ANO3: variants seen among roughly 807,000 people sequenced by gnomAD.
ANO3 encodes the protein anoctamin 3.
A neutral mutation model predicts 144.8 loss-of-function variants in ANO3; 99 were observed. The observed-to-expected ratio is 0.68, with a 90% CI of 0.58 to 0.81. The LOEUF (loss-of-function observed/expected upper bound fraction) is 0.81, where lower values mean the gene tolerates loss of function less well. Ranked by LOEUF, ANO3 falls within the 30% of genes least tolerant of loss-of-function variation. ANO3 has a pLI of 0.00. For missense variants in ANO3, 905 were observed against 1,202.2 expected, an observed-to-expected ratio of 0.75 and a Z score of 3.66; for synonymous variants, 414 against 392.6, an observed-to-expected ratio of 1.05 and a Z score of -0.64.
At chr11:26,649,566 C>T (rs10835045) in intron 24 of ANO3, among the ~76,000 whole-genome samples, 68,092 of 151,732 alleles carry the variant, frequency 0.45, 17,108 homozygotes, top group South Asian at 0.64. Context: ...GTGAAACCCC[C>T]TCACTACTAA....
At chr11:26,240,997 G>A (rs1283097007) in intron 1 of ANO3, among the ~76,000 whole-genome samples, 1 of 152,090 alleles carries the variant, frequency 6.6e-6, no homozygotes. Context: ...CAGTTCCCAC[G>A]TGTCAGGGGA....
chr11:26,259,664 T>TA (rs60307954), intron 1 of ANO3, among the ~76,000 whole-genome samples: 208 of 142,982 alleles, frequency 1.5e-3, no homozygotes, highest in Middle Eastern at 7.2e-3. Flanking sequence ...CGAGACTCCA[T>TA]AAAAAAAAAA....
intron 1 of ANO3, among the ~76,000 whole-genome samples, chr11:26,198,553 AAGG>A (rs1269569078): frequency 6.6e-6 from 1 of 152,346 alleles, no homozygotes; most frequent in Admixed American, 6.5e-5. Context: ...TTTATAAAGA[AAGG>A]AGGAGGGCAT....
intron 5 of ANO3, among the ~76,000 whole-genome samples, chr11:26,513,453 T>C (rs1861743956): frequency 1.3e-5 from 2 of 152,228 alleles, no homozygotes; most frequent in South Asian, 2.1e-4. Flanking sequence ...TCTGGCTATC[T>C]GTACGGTAAA....
At chr11:26,584,603 G>A (rs946946503) in intron 14 of ANO3, among the ~76,000 whole-genome samples, 1 of 152,050 alleles carries the variant, frequency 6.6e-6, no homozygotes, top group Non-Finnish European at 1.5e-5. Context: ...CACTAAAAAA[G>A]CTAAGGAAAA....
At chr11:26,223,741 T>TA (rs1265478726) in intron 1 of ANO3, among the ~76,000 whole-genome samples, 1 of 151,948 alleles carries the variant, frequency 6.6e-6, no homozygotes, top group Non-Finnish European at 1.5e-5. Context: ...AGGTCGTTTT[T>TA]ACTCATGGCA....
chr11:26,201,921 A>G (rs1057279417), intron 1 of ANO3, among the ~76,000 whole-genome samples: 1 of 151,684 alleles, frequency 6.6e-6, no homozygotes. Flanking sequence ...TGGAAGCTTG[A>G]TTGCCAGTAA....
intron 1 of ANO3, among the ~76,000 whole-genome samples, chr11:26,407,073 T>TATATATAC (rs1857305817): frequency 1.5e-5 from 2 of 131,344 alleles, no homozygotes; most frequent in Non-Finnish European, 3.3e-5. Context: ...TGTGTGTGTG[T>TATATATAC]GTGTATATAT....
chr11:26,276,196 G>T (rs978214321), intron 1 of ANO3, among the ~76,000 whole-genome samples: 1 of 152,072 alleles, frequency 6.6e-6, no homozygotes, highest in Admixed American at 6.6e-5. Context: ...TATCCCAAAA[G>T]ATACCATACT....
chr11:26,221,497 C>A (rs1852142833), intron 1 of ANO3, among the ~76,000 whole-genome samples: 2 of 152,188 alleles, frequency 1.3e-5, no homozygotes, highest in Admixed American at 1.3e-4. Flanking sequence ...GCTACCACAT[C>A]TCTGTAGAAA....
chr11:26,435,074 G>T (rs1231309909), intron 1 of ANO3, among the ~76,000 whole-genome samples: 1 of 152,146 alleles, frequency 6.6e-6, no homozygotes, highest in Non-Finnish European at 1.5e-5. Flanking sequence ...AGGTCTCTAA[G>T]AACTTGCTTT....
At chr11:26,548,718 A>C (rs781641404) in intron 12 of ANO3, among the ~76,000 whole-genome samples, 1 of 151,980 alleles carries the variant, frequency 6.6e-6, no homozygotes, top group Non-Finnish European at 1.5e-5. Context: ...ATGCCAAAAG[A>C]TAGATAGCAT....
At chr11:26,289,161 T>A (rs1853877086) in intron 1 of ANO3, among the ~76,000 whole-genome samples, 1 of 152,022 alleles carries the variant, frequency 6.6e-6, no homozygotes, top group Non-Finnish European at 1.5e-5. Flanking sequence ...TCAATAGAGA[T>A]TTATCTGTGT....
chr11:26,216,963 A>G (rs1852046348), intron 1 of ANO3, among the ~76,000 whole-genome samples: 1 of 152,016 alleles, frequency 6.6e-6, no homozygotes, highest in South Asian at 2.1e-4. Flanking sequence ...GTTTGTATAC[A>G]AGTCCTTTGT....
chr11:26,404,004 T>C (rs1001241903), intron 1 of ANO3, among the ~76,000 whole-genome samples: 2 of 151,858 alleles, frequency 1.3e-5, no homozygotes, highest in African/African-American at 4.8e-5. Context: ...CATTATTCTT[T>C]GGTCGCATGC....
intron 1 of ANO3, among the ~76,000 whole-genome samples, chr11:26,398,752 A>C (rs931297534): frequency 1.3e-5 from 2 of 152,040 alleles, no homozygotes; most frequent in African/African-American, 4.8e-5. Flanking sequence ...TTCCGTAAAA[A>C]TCCGGGATGG....
intron 3 of ANO3, among the ~76,000 whole-genome samples, chr11:26,457,458 C>T (rs1411899425): frequency 2.0e-5 from 3 of 151,572 alleles, no homozygotes; most frequent in Non-Finnish European, 2.9e-5. Context: ...TTTTGGTAGC[C>T]CTAAATTACT....
intron 1 of ANO3, among the ~76,000 whole-genome samples, chr11:26,432,411 T>A (rs1390817558): frequency 6.6e-6 from 1 of 152,196 alleles, no homozygotes; most frequent in Non-Finnish European, 1.5e-5. Context: ...TTTAATTACA[T>A]CCCATTTTCC....
At chr11:26,344,256 G>GGA (rs1341708291) in intron 1 of ANO3, among the ~76,000 whole-genome samples, 1 of 151,964 alleles carries the variant, frequency 6.6e-6, no homozygotes, top group Non-Finnish European at 1.5e-5. Flanking sequence ...CATTTTTTAT[G>GGA]CATCTTATAA....
Sources: gnomAD v4.1 joint callset for allele counts (sites outside exome capture counted in the v4.1 genomes callset) on GRCh38, gnomAD v4.1.1 for gene constraint, MANE v1.5 for transcripts, NCBI Gene and HGNC (gene_info 2026-07-23, HGNC 2026-07-21) for gene names.